The following PIGN variants were observed in gnomAD, a reference collection of about 807,000 sequenced individuals.
PIGN encodes GPI ethanolamine phosphate transferase 1.
A neutral mutation model predicts 125.4 loss-of-function variants in PIGN; 117 were observed. That is an observed-to-expected ratio of 0.93 (90% CI 0.80 to 1.09). The LOEUF is 1.09. Ranked by LOEUF, PIGN falls within the 50% of genes least tolerant of loss-of-function variation. The probability of loss-of-function intolerance (pLI) is 0.00; values close to 1 mark genes in which losing one functional copy is unlikely to be tolerated. For missense variants in PIGN, 1,075 were observed against 1,094.9 expected, an observed-to-expected ratio of 0.98 and a Z score of 0.26; for synonymous variants, 392 against 377.8, an observed-to-expected ratio of 1.04 and a Z score of -0.44.
chr18:62,135,565 C>T (rs28707502), intron 14 of PIGN: 38,381 of 150,714 alleles, frequency 0.25, 5,356 homozygotes, highest in African/African-American at 0.34. Context: ...GAACCCTTGA[C>T]GAAGAGTCCT....
At chr18:62,180,489 C>T (rs1335028889) in intron 1 of PIGN, among the ~76,000 whole-genome samples, 1 of 152,182 alleles carries the variant, frequency 6.6e-6, no homozygotes. Flanking sequence ...TTCTATATCT[C>T]TAAATCCCCC....
intron 23 of PIGN, among the ~76,000 whole-genome samples, chr18:62,026,415 C>A (rs1185136303): frequency 6.6e-6 from 1 of 152,144 alleles, no homozygotes. Context: ...TCTTAGCCCA[C>A]CTTGAATTTC....
Position 62,095,841 on chromosome 18 carries a change from T to G in PIGN, c.2180+7A>C. On this transcript the variant is annotated splice_region_variant and intron_variant, in intron 23 of 30. Transcript: ENST00000640252. ...GCTATAAAATTAAATTGTTAAAAAG[T>G]TTATACCCTGTGCTTAGAAGTAGGT... is the stretch of plus-strand genomic sequence containing the variant. 6.5e-7 allele frequency: 1 copy of G among 1,535,528 alleles called. No homozygotes were observed. Among genetic ancestry groups the G allele is most frequent in the Non-Finnish European group, 9.0e-7 (1 of 1,109,070 alleles).
chr18:62,041,640 G>GGGGGGT lies in PIGN; in HGVS notation c.*4215_*4216insACCCCC, dbSNP rs1355691128. The GGGGGGT allele has an allele frequency of 3.9e-5, 3 of 77,540 alleles. No individual in the cohort carries two copies. The highest frequency in any genetic ancestry group is 1.5e-4 in the Admixed American group (1 of 6,760). The allele number at this position is 77,540 out of a possible 1,614,324, so 4.8% of individuals were successfully genotyped here. On this transcript the variant is annotated 3_prime_UTR_variant, in exon 31 of 31. Coordinates refer to ENST00000640252, the MANE Select transcript of PIGN (RefSeq NM_176787.5). ...ATTACAGGAGCCTACCACCCCGCCG[G>GGGGGGT]GTGTGTGTGTGTGTGTGTGTGTGTG...
At chr18:62,163,691 A>T (rs2037033498) in intron 1 of PIGN, 35 bp from the exon 2 acceptor site, 2 of 152,220 alleles carry the variant, frequency 1.3e-5, no homozygotes, top group South Asian at 4.1e-4. Flanking sequence ...TTGTTAAAAA[A>T]TTCACATAAC....
At position 62,169,121 on chromosome 18, in the gene PIGN, C is replaced by T. The variant is rs150593192; in HGVS notation, c.-235-5465G>A. Among the ~76,000 whole-genome samples, 517 of 152,202 alleles carry T rather than the reference C, an allele frequency of 3.4e-3. 5 individuals are homozygous for T. Among genetic ancestry groups the T allele is most frequent in the African/African-American group, 0.012 (502 of 41,528 alleles). ...TCTGCCCACCTTGGCCTCCCAAGTG[C>T]TGGAATTATAGGTGTACCATGCCCA... On this transcript the variant is annotated intron_variant, in intron 1 of 30. Coordinates refer to ENST00000640252, the MANE Select transcript of PIGN (RefSeq NM_176787.5).
At chr18:62,144,657 A>C (rs1428186391) in intron 10 of PIGN, among the ~76,000 whole-genome samples, 1 of 152,248 alleles carries the variant, frequency 6.6e-6, no homozygotes, top group Non-Finnish European at 1.5e-5. Flanking sequence ...ACTCTATAAA[A>C]TGTATCCTGC....
chr18:62,161,977 A>G (rs2036969654), intron 3 of PIGN, among the ~76,000 whole-genome samples: 1 of 152,186 alleles, frequency 6.6e-6, no homozygotes, highest in Admixed American at 6.5e-5. Context: ...CATTTGGCAG[A>G]ATCATATGAA....
chr18:62,106,003 A>G (rs62095316), intron 19 of PIGN, among the ~76,000 whole-genome samples: 25,715 of 152,176 alleles, frequency 0.17, 2,932 homozygotes, highest in Middle Eastern at 0.28. Flanking sequence ...AAATAAAATA[A>G]CCAGTATTTA....
intron 14 of PIGN, among the ~76,000 whole-genome samples, chr18:62,117,965 T>C (rs191954383): frequency 2.0e-3 from 311 of 152,246 alleles, no homozygotes; most frequent in Middle Eastern, 3.4e-3. Flanking sequence ...CCATATTTTC[T>C]TTATCCCTTA....
chr18:62,090,068 G>A lies in PIGN; in HGVS notation c.2283+408C>T, dbSNP rs76220485. On this transcript the variant is annotated intron_variant, in intron 24 of 30. Coordinates refer to ENST00000640252, the MANE Select transcript of PIGN (RefSeq NM_176787.5). ...GAAAGTGAAAAACAACAATAGAAAC[G>A]TAAATGTCACCTTATAATAAAATTC... is the stretch of plus-strand genomic sequence containing the variant. Among the ~76,000 whole-genome samples the A allele has an allele frequency of 9.7e-3, 1,477 of 152,106 alleles. 47 individuals are homozygous for A. Among genetic ancestry groups the A allele is most frequent in the East Asian group, 0.069 (358 of 5,186 alleles).
At chr18:62,122,525 C>G (rs1360258677) in intron 14 of PIGN, among the ~76,000 whole-genome samples, 5 of 152,120 alleles carry the variant, frequency 3.3e-5, no homozygotes, top group Non-Finnish European at 5.9e-5. Flanking sequence ...ACAAGGACAT[C>G]TGGAGTGGAT....
intron 28 of PIGN, among the ~76,000 whole-genome samples, chr18:62,077,841 T>C (rs1188997527): frequency 2.0e-5 from 3 of 152,192 alleles, no homozygotes; most frequent in Non-Finnish European, 4.4e-5. Context: ...AATTTCCTCA[T>C]AGTTCTGGAG....
intron 14 of PIGN, among the ~76,000 whole-genome samples, chr18:62,123,970 A>G (rs566490968): frequency 1.3e-5 from 2 of 152,276 alleles, no homozygotes; most frequent in South Asian, 4.1e-4. Context: ...AGGTTTCTCA[A>G]AATTCTACTT....
intron 28 of PIGN, among the ~76,000 whole-genome samples, chr18:62,078,897 TA>T (rs1421816993): frequency 1.3e-5 from 2 of 152,226 alleles, no homozygotes; most frequent in Non-Finnish European, 2.9e-5. Flanking sequence ...TCCCTGCTCT[TA>T]TTCTTGTCTT....
intron 27 of PIGN, 45 bp from the exon 28 acceptor site, chr18:62,082,791 G>T: frequency 1.9e-6 from 2 of 1,031,584 alleles, no homozygotes; most frequent in Non-Finnish European, 2.9e-6. Context: ...TGAAGCATCT[G>T]AAACACTTTT....
chr18:62,090,678 AT>A, intron 23 of PIGN, 100 bp from the exon 24 acceptor site: 1 of 649,020 alleles, frequency 1.5e-6, no homozygotes, highest in South Asian at 1.9e-5. Context: ...AAACAATTTG[AT>A]AATACTTCTA....
chr18:62,167,643 A>G (rs2037195433), intron 1 of PIGN, among the ~76,000 whole-genome samples: 1 of 82,188 alleles, frequency 1.2e-5, no homozygotes, highest in East Asian at 6.8e-4. Context: ...AAAAAAAAAA[A>G]CAAAAAAAAA....
At chr18:62,178,772 CTA>C (rs2037616224) in intron 1 of PIGN, among the ~76,000 whole-genome samples, 2 of 152,084 alleles carry the variant, frequency 1.3e-5, no homozygotes, top group Non-Finnish European at 2.9e-5. Flanking sequence ...ATTGTAAACT[CTA>C]TGTGACTTTA....
Sources: gnomAD v4.1 joint callset for allele counts (sites outside exome capture counted in the v4.1 genomes callset) on GRCh38, gnomAD v4.1.1 for gene constraint, MANE v1.5 for transcripts, NCBI Gene and HGNC (gene_info 2026-07-23, HGNC 2026-07-21) for gene names.